Variants in NHS observed in about 807,000 individuals in gnomAD.
The protein encoded by NHS is NHS actin remodeling regulator, also known as actin remodeling regulator NHS.
In NHS, 5 loss-of-function variants were observed where a neutral mutation model predicts 72.5. The ratio of observed to expected loss-of-function variants is 0.07; its 90% CI spans 0.04 to 0.14. The LOEUF is 0.14. NHS is among the 10% of genes least tolerant of loss of function. The pLI, the probability that NHS is intolerant of heterozygous loss-of-function variation, is 1.00. For missense variants in NHS, 1,072 were observed against 1,355.7 expected (o/e 0.79, Z 3.29); for synonymous variants, 464 against 547.7 (o/e 0.85, Z 2.13).
chrX:17,555,295 A>G (rs1328637605), intron 1 of NHS, among the ~76,000 whole-genome samples: 17 of 104,112 alleles, frequency 1.6e-4, no homozygotes, highest in African/African-American at 6.1e-4. Flanking sequence ...CTGTCCCCTC[A>G]CTAGACTGCA....
chrX:17,584,931 A>T (rs778476349), intron 1 of NHS, among the ~76,000 whole-genome samples: 8 of 111,717 alleles, frequency 7.2e-5, no homozygotes, highest in Non-Finnish European at 1.1e-4. Context: ...TTAATTGCAG[A>T]AGTAATGCAG....
intron 1 of NHS, among the ~76,000 whole-genome samples, chrX:17,526,736 A>G (rs2146939955): frequency 8.9e-6 from 1 of 112,115 alleles, no homozygotes; most frequent in South Asian, 3.7e-4. Flanking sequence ...GGAGGAGGAA[A>G]AGAGATACAG....
At chrX:17,449,774 A>G (rs1601711999) in intron 1 of NHS, among the ~76,000 whole-genome samples, 1 of 112,049 alleles carries the variant, frequency 8.9e-6, no homozygotes. Flanking sequence ...AGTGATTTCC[A>G]GGAAGACATA....
chrX:17,631,576 G>A (rs1424224971), intron 1 of NHS, among the ~76,000 whole-genome samples: 1 of 111,924 alleles, frequency 8.9e-6, no homozygotes, highest in Non-Finnish European at 1.9e-5. Context: ...TCAGACTAAT[G>A]CAGAATAGGG....
chrX:17,500,552 G>A (rs1328267517), intron 1 of NHS, among the ~76,000 whole-genome samples: 3 of 111,682 alleles, frequency 2.7e-5, no homozygotes, highest in South Asian at 7.6e-4. Context: ...TTCCTCCTGC[G>A]GTGTCTGATT....
intron 1 of NHS, among the ~76,000 whole-genome samples, chrX:17,661,682 G>A (rs920470182): frequency 9.0e-6 from 1 of 111,366 alleles, no homozygotes; most frequent in Non-Finnish European, 1.9e-5. Context: ...GGGTGCAGTG[G>A]CTACTTTGAT....
intron 1 of NHS, 88 bp downstream of exon 1, chrX:17,376,410 C>T (rs1200524523): frequency 1.4e-5 from 12 of 863,656 alleles, no homozygotes; most frequent in East Asian, 3.4e-5. Context: ...CCCAGCCCCG[C>T]GGCGCCGCTC....
At chrX:17,527,535 C>T (rs2065178940) in intron 1 of NHS, among the ~76,000 whole-genome samples, 1 of 112,483 alleles carries the variant, frequency 8.9e-6, no homozygotes, top group Middle Eastern at 4.6e-3. Flanking sequence ...GAGCAGCCCC[C>T]GCCCCTCCTT....
At chrX:17,684,525 G>C (rs1268115203) in intron 1 of NHS, among the ~76,000 whole-genome samples, 2 of 110,811 alleles carry the variant, frequency 1.8e-5, no homozygotes, top group African/African-American at 6.6e-5. Context: ...GAAGTTGTAG[G>C]AGTGAGGCCC....
chrX:17,643,231 T>C (rs778183604), intron 1 of NHS, among the ~76,000 whole-genome samples: 1 of 112,291 alleles, frequency 8.9e-6, no homozygotes, highest in East Asian at 2.8e-4. Context: ...AGCCAGAATT[T>C]AGACTCAGTT....
At chrX:17,532,010 T>C (rs1472142421) in intron 1 of NHS, among the ~76,000 whole-genome samples, 1 of 111,315 alleles carries the variant, frequency 9.0e-6, no homozygotes, top group Non-Finnish European at 1.9e-5. Context: ...GACCCATTCA[T>C]TTGTGTTGAT....
intron 1 of NHS, among the ~76,000 whole-genome samples, chrX:17,657,236 A>AC (rs1323146692): frequency 1.8e-5 from 2 of 110,686 alleles, no homozygotes; most frequent in East Asian, 2.9e-4. Flanking sequence ...ACCCTTCCTC[A>AC]CCCCCCTGCG....
At chrX:17,537,717 G>A (rs1216639856) in intron 1 of NHS, among the ~76,000 whole-genome samples, 1 of 112,018 alleles carries the variant, frequency 8.9e-6, no homozygotes, top group Non-Finnish European at 1.9e-5. Flanking sequence ...CAAAGCCAAA[G>A]GGTTTAAAAG....
chrX:17,392,108 A>G lies in NHS; in HGVS notation c.565+15786A>G, dbSNP rs144711036. Reference sequence around the variant, plus strand: ...GAATGTGGAAGTAATAATTGCTCCAATTGTAGGAAGGCCATATAAAAGCTC... The same window carrying G: ...GAATGTGGAAGTAATAATTGCTCCAGTTGTAGGAAGGCCATATAAAAGCTC... On this transcript the variant is annotated intron_variant, in intron 1 of 8. Transcript: ENST00000676302. 9.2e-3 allele frequency among the ~76,000 whole-genome samples: 1,027 copies of G among 111,669 alleles called. 11 individuals carry two copies. Among genetic ancestry groups the G allele is most frequent in the African/African-American group, 0.032 (977 of 30,720 alleles).
At chrX:17,674,185 T>C (rs1320882733) in intron 1 of NHS, among the ~76,000 whole-genome samples, 1 of 111,573 alleles carries the variant, frequency 9.0e-6, no homozygotes, top group Non-Finnish European at 1.9e-5. Flanking sequence ...CTCCGCACCA[T>C]GCCAGCCAGC....
At chrX:17,460,813 T>G (rs1276828234) in intron 1 of NHS, among the ~76,000 whole-genome samples, 1 of 112,012 alleles carries the variant, frequency 8.9e-6, no homozygotes, top group Non-Finnish European at 1.9e-5. Flanking sequence ...CTCAATTCAT[T>G]CTTATAAGAA....
chrX:17,635,363 C>A (rs1351478639), intron 1 of NHS: 1 of 1,118,011 alleles, frequency 8.9e-7, no homozygotes, highest in African/African-American at 1.8e-5. Context: ...ACCATCTCCC[C>A]CTCCAGGGGG....
At chrX:17,553,361 T>G (rs1253995842) in intron 1 of NHS, among the ~76,000 whole-genome samples, 1 of 112,891 alleles carries the variant, frequency 8.9e-6, no homozygotes, top group African/African-American at 3.2e-5. Context: ...GTCTGAGGTA[T>G]CATTACTGGA....
At chrX:17,407,136 TC>T (rs776264372) in intron 1 of NHS, among the ~76,000 whole-genome samples, 1 of 111,880 alleles carries the variant, frequency 8.9e-6, no homozygotes, top group East Asian at 2.8e-4. Context: ...ATGACCGACA[TC>T]TAATAATATC....
Sources: gnomAD v4.1 joint callset for allele counts (sites outside exome capture counted in the v4.1 genomes callset) on GRCh38, gnomAD v4.1.1 for gene constraint, MANE v1.5 for transcripts, NCBI Gene and HGNC (gene_info 2026-07-23, HGNC 2026-07-21) for gene names.